Variants in FAM200C observed in about 807,000 individuals in gnomAD.
the FAM200C span, among the ~76,000 whole-genome samples, chr5:160,398,500 C>A: frequency 6.6e-6 from 1 of 152,158 alleles, no homozygotes. Flanking sequence ...GATGCCACTG[C>A]GCTCTCCAGA....
At chr5:160,396,698 G>GAAAAAAAAAAAA in the FAM200C span, among the ~76,000 whole-genome samples, 3 of 48,370 alleles carry the variant, frequency 6.2e-5, no homozygotes, top group Admixed American at 2.0e-4. Context: ...AGTCTCTGTG[G>GAAAAAAAAAAAA]AAAAAAAAAA....
the FAM200C span, among the ~76,000 whole-genome samples, chr5:160,397,685 T>C: frequency 6.6e-6 from 1 of 152,162 alleles, no homozygotes; most frequent in Non-Finnish European, 1.5e-5. Flanking sequence ...TGTTACAAGG[T>C]TGTTATGAGC....
At chr5:160,393,701 T>A in the FAM200C span, 2 of 1,526,790 alleles carry the variant, frequency 1.3e-6, no homozygotes, top group Non-Finnish European at 1.8e-6. Flanking sequence ...AAAAAGTATA[T>A]CAGCTTACAG....
the FAM200C span, among the ~76,000 whole-genome samples, chr5:160,396,636 C>T: frequency 6.7e-6 from 1 of 148,712 alleles, no homozygotes; most frequent in Non-Finnish European, 1.5e-5. Flanking sequence ...CCTGTAGTCC[C>T]AGCTACTAAG....
the FAM200C span, among the ~76,000 whole-genome samples, chr5:160,396,001 A>C: frequency 6.6e-6 from 1 of 152,196 alleles, no homozygotes; most frequent in East Asian, 1.9e-4. Context: ...ATGGAGGTTA[A>C]AATAATTGTA....
the FAM200C span, chr5:160,395,629 A>C: frequency 1.4e-6 from 1 of 717,228 alleles, no homozygotes; most frequent in Non-Finnish European, 2.4e-6. Flanking sequence ...TGTATATGTC[A>C]AGATACAGCC....
At chr5:160,394,226 C>G in the FAM200C span, 1 of 1,611,898 alleles carries the variant, frequency 6.2e-7, no homozygotes, top group Non-Finnish European at 8.5e-7. Flanking sequence ...GGTAAAATTT[C>G]TTTTCTCAAT....
At chr5:160,395,510 G>A in the FAM200C span, 2 of 1,602,988 alleles carry the variant, frequency 1.2e-6, no homozygotes, top group East Asian at 2.2e-5. Flanking sequence ...AAATTCTCAG[G>A]TAGTATTCCA....
the FAM200C span, chr5:160,394,453 C>T: frequency 6.2e-7 from 1 of 1,613,840 alleles, no homozygotes; most frequent in Non-Finnish European, 8.5e-7. Context: ...TTTCTTCATA[C>T]ATTTCAAAAA....
the FAM200C span, chr5:160,393,888 G>T: frequency 1.2e-6 from 2 of 1,614,110 alleles, no homozygotes; most frequent in Non-Finnish European, 1.7e-6. Flanking sequence ...AATGGCATAA[G>T]GATTTCTAGA....
At chr5:160,395,811 G>A in the FAM200C span, among the ~76,000 whole-genome samples, 48 of 152,242 alleles carry the variant, frequency 3.2e-4, no homozygotes, top group African/African-American at 1.1e-3. Context: ...TTATAGTTAT[G>A]GCTTAACTTG....
the FAM200C span, chr5:160,394,965 G>A: frequency 6.2e-7 from 1 of 1,613,554 alleles, no homozygotes; most frequent in East Asian, 2.2e-5. Flanking sequence ...GTCTCAGCAA[G>A]CTGAATACCC....
At chr5:160,393,946 A>G in the FAM200C span, 1 of 1,614,028 alleles carries the variant, frequency 6.2e-7, no homozygotes, top group Non-Finnish European at 8.5e-7. Context: ...CACACCAGAA[A>G]TCCTCAAGCT....
At chr5:160,398,250 G>C in the FAM200C span, among the ~76,000 whole-genome samples, 19 of 151,710 alleles carry the variant, frequency 1.3e-4, no homozygotes, top group African/African-American at 4.4e-4. Context: ...GACACAGCCA[G>C]ACTCTGTCTC....
chr5:160,394,348 G>C, the FAM200C span: 19 of 1,613,782 alleles, frequency 1.2e-5, no homozygotes, highest in Non-Finnish European at 1.6e-5. Flanking sequence ...TTAAGTGTTT[G>C]AATAAATCTG....
chr5:160,399,967 C>T, the FAM200C span: 1 of 152,278 alleles, frequency 6.6e-6, no homozygotes, highest in South Asian at 2.1e-4. Context: ...GGTCCAACCC[C>T]CGGGCAGGAA....
chr5:160,398,390 A>ATT, the FAM200C span, among the ~76,000 whole-genome samples: 1 of 152,146 alleles, frequency 6.6e-6, no homozygotes, highest in African/African-American at 2.4e-5. Context: ...TCTCTACTAA[A>ATT]AATACAAAAA....
the FAM200C span, among the ~76,000 whole-genome samples, chr5:160,395,839 T>C: frequency 2.0e-5 from 3 of 152,194 alleles, no homozygotes; most frequent in Non-Finnish European, 2.9e-5. Context: ...TAATGTATGT[T>C]ACAAACAAAT....
At chr5:160,394,413 T>C in the FAM200C span, 1 of 1,613,566 alleles carries the variant, frequency 6.2e-7, no homozygotes, top group Non-Finnish European at 8.5e-7. Context: ...TCAACTAAAT[T>C]ACTGCTCTTG....
Sources: allele counts gnomAD v4.1 joint callset (sites outside exome capture counted in the v4.1 genomes callset), GRCh38; gene constraint gnomAD v4.1.1; transcripts MANE v1.5.